The following CNTNAP2 variants were observed in gnomAD, a reference collection of about 807,000 sequenced individuals.
The protein encoded by CNTNAP2 is contactin-associated protein-like 2.
In CNTNAP2, 98 loss-of-function variants were observed where a neutral mutation model predicts 155.2. The observed-to-expected ratio is 0.63, with a 90% CI of 0.54 to 0.75. The LOEUF (loss-of-function observed/expected upper bound fraction) is 0.75. Among genes scored for constraint, CNTNAP2 ranks in the 30% least tolerant of loss-of-function variants. The pLI is 0.00. For missense variants in CNTNAP2, 1,727 were observed against 1,688.1 expected (o/e 1.02, Z -0.40); for synonymous variants, 651 against 631.2 (o/e 1.03, Z -0.47).
intron 1 of CNTNAP2, among the ~76,000 whole-genome samples, chr7:146,668,195 T>C (rs926854535): frequency 2.0e-5 from 3 of 152,178 alleles, no homozygotes; most frequent in African/African-American, 7.2e-5. Context: ...TATTACATTG[T>C]ATTAAATGTT....
At chr7:146,334,878 C>T (rs1801249056) in intron 1 of CNTNAP2, among the ~76,000 whole-genome samples, 1 of 152,194 alleles carries the variant, frequency 6.6e-6, no homozygotes, top group African/African-American at 2.4e-5. Flanking sequence ...AGGTTAATAT[C>T]CTCACTCACC....
intron 21 of CNTNAP2, among the ~76,000 whole-genome samples, chr7:148,373,755 A>AC (rs1006791060): frequency 1.1e-4 from 17 of 152,322 alleles, no homozygotes; most frequent in Admixed American, 3.3e-4. Context: ...GGAGGCTATT[A>AC]CCCCAATCTG....
intron 1 of CNTNAP2, among the ~76,000 whole-genome samples, chr7:146,283,456 C>A (rs972308272): frequency 6.6e-6 from 1 of 152,096 alleles, no homozygotes; most frequent in Admixed American, 6.5e-5. Context: ...TAGTCTCAAC[C>A]TCCCAGGCTC....
chr7:147,288,628 G>A (rs1805234527), intron 8 of CNTNAP2, among the ~76,000 whole-genome samples: 1 of 152,194 alleles, frequency 6.6e-6, no homozygotes, highest in Non-Finnish European at 1.5e-5. Flanking sequence ...AACGAGAGTA[G>A]TTTGCAGTTA....
intron 13 of CNTNAP2, among the ~76,000 whole-genome samples, chr7:147,863,738 G>GT (rs1799174836): frequency 6.6e-6 from 1 of 151,620 alleles, no homozygotes. Flanking sequence ...GTTTTGAGAA[G>GT]TGTCTGTTAA....
At chr7:146,451,181 C>A (rs1331278376) in intron 1 of CNTNAP2, among the ~76,000 whole-genome samples, 1 of 152,102 alleles carries the variant, frequency 6.6e-6, no homozygotes, top group African/African-American at 2.4e-5. Context: ...CCCCTGACCT[C>A]GTGATCTGCC....
intron 8 of CNTNAP2, among the ~76,000 whole-genome samples, chr7:147,163,355 T>A (rs1454357653): frequency 6.6e-6 from 1 of 152,214 alleles, no homozygotes; most frequent in East Asian, 1.9e-4. Context: ...ACAGCACCAA[T>A]TACTAGTAAC....
chr7:147,185,597 G>A (rs144867142), intron 8 of CNTNAP2, among the ~76,000 whole-genome samples: 1 of 152,142 alleles, frequency 6.6e-6, no homozygotes, highest in Non-Finnish European at 1.5e-5. Context: ...AAATAGAGAT[G>A]AATCTTAGAA....
chr7:146,168,061 G>C (rs1562975026), intron 1 of CNTNAP2, among the ~76,000 whole-genome samples: 1 of 152,134 alleles, frequency 6.6e-6, no homozygotes, highest in African/African-American at 2.4e-5. Context: ...CAGCAAGTCA[G>C]CTCCTTCCAC....
chr7:147,484,358 A>G (rs1244243673), intron 10 of CNTNAP2, among the ~76,000 whole-genome samples: 1 of 152,144 alleles, frequency 6.6e-6, no homozygotes, highest in East Asian at 1.9e-4. Flanking sequence ...GTCTCAACCT[A>G]AAAGCTTTTA....
intron 9 of CNTNAP2, among the ~76,000 whole-genome samples, chr7:147,308,009 G>A (rs1795062361): frequency 6.6e-6 from 1 of 152,178 alleles, no homozygotes; most frequent in Non-Finnish European, 1.5e-5. Context: ...TGTATTTGGG[G>A]GAAAATTAAT....
chr7:147,189,935 G>A (rs1802648031), intron 8 of CNTNAP2, among the ~76,000 whole-genome samples: 1 of 151,992 alleles, frequency 6.6e-6, no homozygotes, highest in South Asian at 2.1e-4. Context: ...TAGTAGAGAT[G>A]GGGTTTCACC....
chr7:146,985,404 G>A (rs1429384200), intron 3 of CNTNAP2, among the ~76,000 whole-genome samples: 1 of 144,150 alleles, frequency 6.9e-6, no homozygotes. Context: ...TGCAAGCTCC[G>A]CCTCCTGGGT....
chr7:147,545,929 T>G (rs851820), intron 11 of CNTNAP2, among the ~76,000 whole-genome samples: 72,770 of 151,884 alleles, frequency 0.48, 17,608 homozygotes, highest in East Asian at 0.61. Flanking sequence ...TCTGATGGTT[T>G]TATAAGGGGT....
At chr7:146,242,959 A>G (rs1055040410) in intron 1 of CNTNAP2, among the ~76,000 whole-genome samples, 4 of 152,142 alleles carry the variant, frequency 2.6e-5, no homozygotes, top group Admixed American at 6.5e-5. Context: ...TTAAGAACAT[A>G]TATCTATTTA....
At chr7:147,844,928 C>G (rs1798802365) in intron 13 of CNTNAP2, among the ~76,000 whole-genome samples, 1 of 144,728 alleles carries the variant, frequency 6.9e-6, no homozygotes, top group South Asian at 2.1e-4. Flanking sequence ...ACCAGCCTTG[C>G]ATCCCAGGGA....
Position 148,217,447 on chromosome 7 carries a change from C to T in CNTNAP2, c.3170C>T (p.Thr1057Ile), listed in dbSNP as rs1253681446. Residue 1057 changes from threonine to isoleucine, a missense_variant, in exon 19 of 24, where the codon ACC (threonine) becomes ATC (isoleucine). Transcript: ENST00000361727. ...GAGGAGATCCGCTTCAGCTTCAGCA[C>T]CACCAAGGCGCCCTGCATTCTCCTC... ...AQEEIRFSFS[T>I]TKAPCILLYI... 5 of 1,614,192 alleles carry T rather than the reference C, an allele frequency of 3.1e-6. No homozygotes were observed. Among genetic ancestry groups the T allele is most frequent in the Non-Finnish European group, 3.4e-6 (4 of 1,180,032 alleles).
chr7:147,993,739 T>A (rs778748414), intron 15 of CNTNAP2, among the ~76,000 whole-genome samples: 1 of 152,202 alleles, frequency 6.6e-6, no homozygotes, highest in East Asian at 1.9e-4. Flanking sequence ...TATGTTGTTA[T>A]GATAAGAGAA....
chr7:147,290,543 C>T (rs771447474), intron 8 of CNTNAP2, among the ~76,000 whole-genome samples: 16 of 151,920 alleles, frequency 1.1e-4, no homozygotes, highest in African/African-American at 1.7e-4. Context: ...ATTAGCCGAG[C>T]GTGGTGGCTT....
Sources: gnomAD v4.1 joint callset for allele counts (sites outside exome capture counted in the v4.1 genomes callset) on GRCh38, gnomAD v4.1.1 for gene constraint, MANE v1.5 for transcripts, NCBI Gene and HGNC (gene_info 2026-07-23, HGNC 2026-07-21) for gene names.